The following CHSY1 variants were observed in gnomAD, a reference collection of about 807,000 sequenced individuals.
CHSY1 encodes the protein chondroitin sulfate synthase 1.
CHSY1 carries 13 observed loss-of-function variants against 59.8 expected under a neutral mutation model. The ratio of observed to expected loss-of-function variants is 0.22; its 90% CI spans 0.14 to 0.35. The LOEUF (loss-of-function observed/expected upper bound fraction) is 0.35, where lower values mean the gene tolerates loss of function less well. Among genes scored for constraint, CHSY1 ranks in the 10% least tolerant of loss-of-function variants. CHSY1 has a pLI of 1.00. For missense variants in CHSY1, 947 were observed against 1,030.6 expected (o/e 0.92, Z 1.11); for synonymous variants, 459 against 401.2 (o/e 1.14, Z -1.72).
At chr15:101,192,858 C>T (rs562838884) in intron 2 of CHSY1, among the ~76,000 whole-genome samples, 1 of 152,308 alleles carries the variant, frequency 6.6e-6, no homozygotes, top group South Asian at 2.1e-4. Flanking sequence ...AAACTCTAGG[C>T]AACATGTTTA....
At chr15:101,182,686 G>A (rs2038296476) in intron 2 of CHSY1, among the ~76,000 whole-genome samples, 1 of 152,204 alleles carries the variant, frequency 6.6e-6, no homozygotes, top group Middle Eastern at 3.4e-3. Context: ...GCAGGAAACC[G>A]GAAGAGTCTT....
chr15:101,244,066 G>A (rs1403868959), intron 1 of CHSY1, among the ~76,000 whole-genome samples: 1 of 152,186 alleles, frequency 6.6e-6, no homozygotes, highest in Admixed American at 6.5e-5. Flanking sequence ...AAATGTATTT[G>A]TCTACAGAAA....
At chr15:101,200,802 G>C (rs2038565968) in intron 2 of CHSY1, among the ~76,000 whole-genome samples, 1 of 152,090 alleles carries the variant, frequency 6.6e-6, no homozygotes, top group Non-Finnish European at 1.5e-5. Flanking sequence ...ATGGAACCCT[G>C]GTCATGTTGC....
intron 2 of CHSY1, among the ~76,000 whole-genome samples, chr15:101,215,511 G>A (rs1026971482): frequency 6.7e-6 from 1 of 150,316 alleles, no homozygotes; most frequent in Admixed American, 6.6e-5. Context: ...AATGTGGGTG[G>A]ATCACCTGAG....
intron 2 of CHSY1, among the ~76,000 whole-genome samples, chr15:101,208,866 C>T (rs2038655478): frequency 6.6e-6 from 1 of 152,278 alleles, no homozygotes; most frequent in Non-Finnish European, 1.5e-5. Flanking sequence ...CATACAAGCA[C>T]ACACATAAGT....
At chr15:101,198,850 C>T (rs549417711) in intron 2 of CHSY1, among the ~76,000 whole-genome samples, 12 of 152,304 alleles carry the variant, frequency 7.9e-5, no homozygotes, top group South Asian at 6.2e-4. Flanking sequence ...CAGCTGGGAG[C>T]GAGATCCCAC....
At chr15:101,204,041 G>A (rs764999462) in intron 2 of CHSY1, among the ~76,000 whole-genome samples, 3 of 152,148 alleles carry the variant, frequency 2.0e-5, no homozygotes, top group East Asian at 1.9e-4. Context: ...TGATTACTGC[G>A]TTGTGTTTAT....
chr15:101,206,918 C>T (rs989990782), intron 2 of CHSY1, among the ~76,000 whole-genome samples: 4 of 152,222 alleles, frequency 2.6e-5, no homozygotes, highest in Non-Finnish European at 1.5e-5. Context: ...AAAAGTCTCT[C>T]TCCCAGACCT....
At chr15:101,204,459 T>C (rs1240676356) in intron 2 of CHSY1, among the ~76,000 whole-genome samples, 1 of 149,672 alleles carries the variant, frequency 6.7e-6, no homozygotes, top group African/African-American at 2.4e-5. Context: ...ATAATAATAA[T>C]AATAATAATA....
chr15:101,201,935 C>T lies in CHSY1; in HGVS notation c.817-22955G>A, dbSNP rs140320441. On this transcript the variant is annotated intron_variant, in intron 2 of 2. Coordinates refer to ENST00000254190, the MANE Select transcript of CHSY1 (RefSeq NM_014918.5). ...AGCAGCAAGCCAGCCAGGGAAGGGC[C>T]CACTACAGCAGCTAAGGAGGACAAC... 1.4e-3 allele frequency among the ~76,000 whole-genome samples: 215 copies of T among 152,304 alleles called. 1 individual carries two copies. The highest frequency in any genetic ancestry group is 5.1e-3 in the African/African-American group (212 of 41,568).
intron 2 of CHSY1, among the ~76,000 whole-genome samples, chr15:101,216,436 T>C (rs934862731): frequency 6.6e-6 from 1 of 152,222 alleles, no homozygotes; most frequent in African/African-American, 2.4e-5. Flanking sequence ...CACAAAAACA[T>C]GCACACAAAT....
intron 1 of CHSY1, among the ~76,000 whole-genome samples, chr15:101,243,782 C>A (rs953256300): frequency 1.3e-5 from 2 of 152,216 alleles, no homozygotes; most frequent in Non-Finnish European, 2.9e-5. Context: ...AACTGAAGGC[C>A]AGACAACTTG....
chr15:101,179,027 G>C (rs1454399351), intron 2 of CHSY1, 47 bp from the exon 3 acceptor site: 6 of 1,568,926 alleles, frequency 3.8e-6, no homozygotes, highest in Non-Finnish European at 5.3e-6. Flanking sequence ...TTGTATGATT[G>C]AGTGCCAGCA....
At chr15:101,223,403 G>A (rs1428086540) in intron 2 of CHSY1, among the ~76,000 whole-genome samples, 1 of 152,256 alleles carries the variant, frequency 6.6e-6, no homozygotes, top group East Asian at 1.9e-4. Flanking sequence ...ACATGAACAT[G>A]TGTGAAATCA....
rs532336973 is a variant in CHSY1 at position 101,248,625 on chromosome 15, A to G, written c.320+2512T>C. On this transcript the variant is annotated intron_variant, in intron 1 of 2. Transcript: ENST00000254190. ...GTTTCTGCTTTCCCCTAACCACCTG[A>G]AAAAAAAATAATAAATAAACAATGA... Among the ~76,000 whole-genome samples, 85 of 151,742 alleles carry G rather than the reference A, an allele frequency of 5.6e-4. 1 individual carries two copies. The highest frequency in any genetic ancestry group is 2.0e-3 in the African/African-American group (81 of 41,382).
chr15:101,182,766 C>A (rs2038298013), intron 2 of CHSY1, among the ~76,000 whole-genome samples: 1 of 152,202 alleles, frequency 6.6e-6, no homozygotes, highest in Non-Finnish European at 1.5e-5. Context: ...AAAGCTGGAT[C>A]ATTACAGCAA....
intron 2 of CHSY1, among the ~76,000 whole-genome samples, chr15:101,234,266 A>G (rs1470664491): frequency 6.6e-6 from 1 of 152,264 alleles, no homozygotes. Flanking sequence ...CTATCTGAAC[A>G]GTCAAGGTAC....
intron 2 of CHSY1, among the ~76,000 whole-genome samples, chr15:101,234,597 C>T (rs1388151352): frequency 2.0e-5 from 3 of 152,176 alleles, no homozygotes; most frequent in Admixed American, 6.5e-5. Flanking sequence ...AGCCGGGCGC[C>T]GTGGCTCACG....
chr15:101,233,243 A>G (rs1003894890), intron 2 of CHSY1, among the ~76,000 whole-genome samples: 18 of 152,196 alleles, frequency 1.2e-4, no homozygotes, highest in African/African-American at 3.6e-4. Context: ...ACCTCTTGGC[A>G]CTAACGCTAA....
Sources: gnomAD v4.1 joint callset for allele counts (sites outside exome capture counted in the v4.1 genomes callset) on GRCh38, gnomAD v4.1.1 for gene constraint, MANE v1.5 for transcripts, NCBI Gene and HGNC (gene_info 2026-07-23, HGNC 2026-07-21) for gene names.